ADAM22: variants seen among roughly 807,000 people sequenced by gnomAD.
ADAM22 encodes ADAM metallopeptidase domain 22, also known as disintegrin and metalloproteinase domain-containing protein 22.
A neutral mutation model predicts 144.6 loss-of-function variants in ADAM22; 65 were observed. That is an observed-to-expected ratio of 0.45 (90% CI 0.37 to 0.55). ADAM22 has a LOEUF of 0.55. Among genes scored for constraint, ADAM22 ranks in the 20% least tolerant of loss-of-function variants. The probability of loss-of-function intolerance (pLI) is 0.00; values close to 1 mark genes in which losing one functional copy is unlikely to be tolerated. For synonymous variants in ADAM22, 391 were observed against 412.6 expected (o/e 0.95, Z 0.63); for missense variants, 974 against 1,184.9 (o/e 0.82, Z 2.61).
intron 3 of ADAM22, among the ~76,000 whole-genome samples, chr7:88,069,719 TA>T (rs1333889929): frequency 6.6e-6 from 1 of 151,786 alleles, no homozygotes. Context: ...TAAGGCTGCT[TA>T]GATGAGGTAG....
intron 4 of ADAM22, among the ~76,000 whole-genome samples, chr7:88,105,293 A>G (rs1254955591): frequency 6.6e-6 from 1 of 152,088 alleles, no homozygotes; most frequent in Non-Finnish European, 1.5e-5. Flanking sequence ...CAGACTTCTA[A>G]GAGAAGAAGG....
rs185827664 is a variant in ADAM22, at chr7:88,080,546, A to G, written c.390+4854A>G. 2.0e-4 allele frequency among the ~76,000 whole-genome samples: 31 copies of G among 152,354 alleles called. 1 individual carries two copies. Among genetic ancestry groups the G allele is most frequent in the Admixed American group, 6.5e-4 (10 of 15,312 alleles). On this transcript the variant is annotated intron_variant, in intron 4 of 31. Transcript: ENST00000413139. The stretch of plus-strand genomic sequence containing the variant: ...ACACAAAAAGCCCTTCAAAAAATCA[A>G]TGAATCCAGGAGCTGGTTTTTTTTA...
intron 2 of ADAM22, among the ~76,000 whole-genome samples, chr7:87,948,796 G>A (rs1001938379): frequency 6.6e-6 from 1 of 152,180 alleles, no homozygotes; most frequent in Non-Finnish European, 1.5e-5. Context: ...TAACTTGGGT[G>A]TTAGTAGAAG....
At chr7:88,083,988 A>G (rs948635525) in intron 4 of ADAM22, among the ~76,000 whole-genome samples, 5 of 152,064 alleles carry the variant, frequency 3.3e-5, no homozygotes, top group Non-Finnish European at 7.4e-5. Flanking sequence ...TCACTTCTCT[A>G]TTTTGTATGA....
At chr7:88,195,546 C>A (rs551379383) in intron 31 of ADAM22, among the ~76,000 whole-genome samples, 8 of 152,234 alleles carry the variant, frequency 5.3e-5, no homozygotes, top group African/African-American at 1.9e-4. Context: ...GATGGAGTCT[C>A]GCTCAGTCGC....
At chr7:87,950,800 G>A (rs1392965009) in intron 2 of ADAM22, among the ~76,000 whole-genome samples, 8 of 149,786 alleles carry the variant, frequency 5.3e-5, no homozygotes, top group Non-Finnish European at 5.9e-5. Flanking sequence ...TCCAGCACCT[G>A]TTGTTTCCTG....
At chr7:88,120,501 G>C (rs578252776) in intron 7 of ADAM22, among the ~76,000 whole-genome samples, 2 of 152,228 alleles carry the variant, frequency 1.3e-5, no homozygotes, top group Admixed American at 6.5e-5. Flanking sequence ...ACCAACATTT[G>C]CTCTGTCATT....
intron 2 of ADAM22, among the ~76,000 whole-genome samples, chr7:87,936,307 G>A (rs1841239265): frequency 6.6e-6 from 1 of 152,102 alleles, no homozygotes; most frequent in Non-Finnish European, 1.5e-5. Flanking sequence ...AATATGTTAA[G>A]CTTTTAATGA....
intron 3 of ADAM22, among the ~76,000 whole-genome samples, chr7:87,995,573 G>A (rs1790980971): frequency 6.6e-6 from 1 of 152,104 alleles, no homozygotes; most frequent in African/African-American, 2.4e-5. Flanking sequence ...CGGCATCATC[G>A]TGGGAAACTT....
At chr7:88,011,502 T>A (rs1194924036) in intron 3 of ADAM22, among the ~76,000 whole-genome samples, 2 of 148,336 alleles carry the variant, frequency 1.3e-5, no homozygotes, top group Non-Finnish European at 3.0e-5. Context: ...ATCGCACCAC[T>A]GCACTCCAGC....
At position 88,030,946 on chromosome 7, in the gene ADAM22, C is replaced by T. The variant is rs550638560; in HGVS notation, c.324-44680C>T. On this transcript the variant is annotated intron_variant, in intron 3 of 31. Transcript: ENST00000413139. ...CCTGGCTAACACAGTGAAACCCCATCTCTACTAAAAATACAAAAAATTAGC... is the reference window on the plus strand; with the variant it reads ...CCTGGCTAACACAGTGAAACCCCATTTCTACTAAAAATACAAAAAATTAGC... 1.6e-4 allele frequency among the ~76,000 whole-genome samples: 24 copies of T among 152,250 alleles called. 1 individual carries two copies. The South Asian group carries it at 5.0e-3, about 32-fold the overall frequency.
chr7:87,954,915 A>C (rs1846257577), intron 2 of ADAM22, among the ~76,000 whole-genome samples: 2 of 152,112 alleles, frequency 1.3e-5, no homozygotes. Context: ...CCTTTCTTCC[A>C]GTTGATCGCA....
chr7:88,026,826 A>G lies in ADAM22; in HGVS notation c.323+48414A>G, dbSNP rs138072363. 5.5e-3 allele frequency among the ~76,000 whole-genome samples: 834 copies of G among 152,176 alleles called. 5 individuals carry two copies. Among genetic ancestry groups the G allele is most frequent in the African/African-American group, 0.019 (806 of 41,518 alleles). ...TCCCAATCTTAGAGGAAGGTCTTTC[A>G]GTTTTTTTCCATTCAGTATGGTACT... On this transcript the variant is annotated intron_variant, in intron 3 of 31. Transcript: ENST00000413139.
intron 14 of ADAM22, among the ~76,000 whole-genome samples, chr7:88,140,398 A>G (rs1446099937): frequency 6.6e-6 from 1 of 152,140 alleles, no homozygotes; most frequent in Non-Finnish European, 1.5e-5. Context: ...CAACTGAAAA[A>G]CAATTCATAA....
At chr7:87,991,232 T>G (rs1448032088) in intron 3 of ADAM22, among the ~76,000 whole-genome samples, 1 of 152,144 alleles carries the variant, frequency 6.6e-6, no homozygotes, top group Non-Finnish European at 1.5e-5. Context: ...GATTTCTAGT[T>G]TTTTATGGTG....
At chr7:88,080,419 A>G (rs1289840548) in intron 4 of ADAM22, among the ~76,000 whole-genome samples, 3 of 152,208 alleles carry the variant, frequency 2.0e-5, no homozygotes, top group Non-Finnish European at 2.9e-5. Context: ...TGACACCCTA[A>G]CATCACAATT....
intron 4 of ADAM22, among the ~76,000 whole-genome samples, chr7:88,084,511 A>T (rs1229356342): frequency 6.6e-6 from 1 of 152,152 alleles, no homozygotes; most frequent in Non-Finnish European, 1.5e-5. Context: ...TCCAGGAACC[A>T]CATTGAAAAT....
intron 3 of ADAM22, among the ~76,000 whole-genome samples, chr7:88,006,022 C>A (rs1044589030): frequency 3.9e-5 from 6 of 152,030 alleles, no homozygotes; most frequent in African/African-American, 1.4e-4. Flanking sequence ...AATCATTTCT[C>A]TTAAGGTAAT....
chr7:88,049,359 C>A (rs747246257), intron 3 of ADAM22, among the ~76,000 whole-genome samples: 5 of 151,380 alleles, frequency 3.3e-5, no homozygotes, highest in African/African-American at 7.3e-5. Context: ...TACACTGTTT[C>A]TTTTTTTTTC....
Sources: allele counts gnomAD v4.1 joint callset (sites outside exome capture counted in the v4.1 genomes callset), GRCh38; gene constraint gnomAD v4.1.1; transcripts MANE v1.5; gene names NCBI Gene and HGNC (gene_info 2026-07-23, HGNC 2026-07-21).